Variants in ITIH5 observed in about 807,000 individuals in gnomAD.
ITIH5 encodes inter-alpha-trypsin inhibitor heavy chain H5.
In ITIH5, 65 loss-of-function variants were observed where a neutral mutation model predicts 77.5. The observed-to-expected ratio is 0.84, with a 90% CI of 0.69 to 1.03. ITIH5 has a LOEUF of 1.03. Among genes scored for constraint, ITIH5 ranks in the 50% least tolerant of loss-of-function variants. The probability of loss-of-function intolerance (pLI) is 0.00; values close to 1 mark genes in which losing one functional copy is unlikely to be tolerated. For synonymous variants in ITIH5, 525 were observed against 494.3 expected, an observed-to-expected ratio of 1.06 and a Z score of -0.82; for missense variants, 1,208 against 1,213.1, an observed-to-expected ratio of 1.00 and a Z score of 0.06.
At chr10:7,592,274 T>A (rs1186278743) in intron 7 of ITIH5, among the ~76,000 whole-genome samples, 1 of 152,170 alleles carries the variant, frequency 6.6e-6, no homozygotes, top group African/African-American at 2.4e-5. Context: ...AAGTGAGCAG[T>A]GAATAAATGA....
intron 2 of ITIH5, among the ~76,000 whole-genome samples, chr10:7,654,106 G>A (rs1834143566): frequency 6.6e-6 from 1 of 152,188 alleles, no homozygotes; most frequent in African/African-American, 2.4e-5. Context: ...GCAGTGAGCT[G>A]AGATCACGCC....
At chr10:7,654,471 T>A (rs962106516) in intron 2 of ITIH5, among the ~76,000 whole-genome samples, 6 of 152,196 alleles carry the variant, frequency 3.9e-5, no homozygotes, top group African/African-American at 1.2e-4. Flanking sequence ...AGAAGACAGT[T>A]TGGCTTAATG....
At position 7,637,220 on chromosome 10, in the gene ITIH5, G is replaced by A. The variant is rs1305070128; in HGVS notation, c.652+8C>T. ...CAGATCTGCACGAACCCAGCACGCA[G>A]GACTCACCTTCCCCGCGCCCACTGC... On this transcript the variant is annotated splice_region_variant and intron_variant, in intron 5 of 13. Transcript: ENST00000397146. The A allele has an allele frequency of 1.9e-6, 3 of 1,604,276 alleles. No individual in the cohort carries two copies. The highest frequency in any genetic ancestry group is 2.5e-6 in the Non-Finnish European group (3 of 1,179,328).
Position 7,561,178 on chromosome 10 carries a change from G to GAT in ITIH5, c.*1903_*1904dup, listed in dbSNP as rs1216228520. 1 of 152,194 alleles carries GAT rather than the reference G, an allele frequency of 6.6e-6. No individual in the cohort carries two copies. The highest frequency in any genetic ancestry group is 1.9e-4 in the East Asian group (1 of 5,202). The allele number at this position is 152,194 out of a possible 1,614,324, so 9.4% of individuals were successfully genotyped here. ...TTTCTGAGCAAGCAAGTTAGCTATG[G>GAT]ATAGCTCATTGGAATGTTTTTCTCA... On this transcript the variant is annotated 3_prime_UTR_variant, in exon 14 of 14. Transcript: ENST00000397146.
chr10:7,579,189 C>T (rs188272222), intron 9 of ITIH5, among the ~76,000 whole-genome samples: 1,535 of 152,312 alleles, frequency 0.01, 28 homozygotes, highest in African/African-American at 0.036. Context: ...CAACCATAAT[C>T]CTCATTTTAC....
chr10:7,599,278 C>T (rs1324646923), intron 7 of ITIH5, among the ~76,000 whole-genome samples: 1 of 152,202 alleles, frequency 6.6e-6, no homozygotes, highest in Non-Finnish European at 1.5e-5. Context: ...ATAGGCTTGA[C>T]AGCCTTAACA....
rs373089198 is a variant in ITIH5 at position 7,642,075 on chromosome 10, T to C, written c.151A>G (p.Met51Val). ...LLQRLKTKPL[M>V]TEFSVKSTII... ...GTAGACTTCACTGAGAATTCTGTCA[T>C]CAAAGGTTTGGTTTTCTGTAGGAAT... Residue 51 changes from methionine to valine, a missense_variant, in exon 3 of 14, where the codon ATG becomes GTG. Transcript: ENST00000397146. 2.5e-6 allele frequency: 4 copies of C among 1,613,622 alleles called. No homozygotes were observed. Among genetic ancestry groups the C allele is most frequent in the South Asian group, 1.1e-5 (1 of 90,996 alleles).
chr10:7,664,701 G>A (rs1834334440), intron 1 of ITIH5, among the ~76,000 whole-genome samples: 1 of 152,166 alleles, frequency 6.6e-6, no homozygotes, highest in Non-Finnish European at 1.5e-5. Context: ...ACAAATAACT[G>A]CAATGCAAGT....
chr10:7,664,387 G>A (rs1489095504), intron 1 of ITIH5, among the ~76,000 whole-genome samples: 5 of 142,718 alleles, frequency 3.5e-5, no homozygotes, highest in South Asian at 4.7e-4. Flanking sequence ...GCGACACAGC[G>A]AGATTCCGTC....
intron 5 of ITIH5, chr10:7,619,184 T>C (rs921363704): frequency 1.3e-5 from 2 of 152,256 alleles, no homozygotes; most frequent in African/African-American, 4.8e-5. Flanking sequence ...GAAAAGTCCT[T>C]GAAATTAAAG....
chr10:7,586,151 C>A (rs1025956492), intron 7 of ITIH5, 82 bp from the exon 8 acceptor site: 25 of 1,260,362 alleles, frequency 2.0e-5, no homozygotes, highest in Middle Eastern at 2.8e-4. Flanking sequence ...GCCCCCGCCC[C>A]CCAGGAAAAA....
intron 7 of ITIH5, 148 bp downstream of exon 7, chr10:7,615,834 C>T (rs1833352677): frequency 1.1e-5 from 7 of 630,590 alleles, no homozygotes; most frequent in Non-Finnish European, 2.0e-5. Flanking sequence ...AATGACTTAA[C>T]TGAATCCGCT....
At position 7,644,698 on chromosome 10, in the gene ITIH5, ATC is replaced by A. The variant is rs1311304582; in HGVS notation, c.136-2610_136-2609del. Among the ~76,000 whole-genome samples the A allele has an allele frequency of 1.1e-3, 138 of 126,186 alleles. 3 individuals carry two copies. The highest frequency in any genetic ancestry group is 4.9e-3 in the African/African-American group (131 of 26,728). 82.8% of individuals were successfully genotyped at this position (126,186 alleles called of 152,430 possible). A position where few individuals can be genotyped will look rare whatever the true frequency, so the allele number is the denominator to read the frequency against. On this transcript the variant is annotated intron_variant, in intron 2 of 13. Coordinates refer to ENST00000397146, the MANE Select transcript of ITIH5 (RefSeq NM_030569.7). ...CACATATATATCATATATATCACAT[ATC>A]TATATCACATATATATCATATATAT...
chr10:7,657,443 A>T (rs1834207006), intron 1 of ITIH5, among the ~76,000 whole-genome samples: 1 of 152,014 alleles, frequency 6.6e-6, no homozygotes, highest in Admixed American at 6.6e-5. Flanking sequence ...TATAAATTCT[A>T]CTTACAGAAA....
At position 7,644,818 on chromosome 10, in the gene ITIH5, T is replaced by TCACATATATCA. The variant is rs368635533; in HGVS notation, c.136-2729_136-2728insTGATATATGTG. On this transcript the variant is annotated intron_variant, in intron 2 of 13. Transcript: ENST00000397146. ...ATATATCATATATATCACATATATA[T>TCACATATATCA]CATATATATCACATATATATCACAT... is the stretch of plus-strand genomic sequence containing the variant. 3.8e-5 allele frequency among the ~76,000 whole-genome samples: 4 copies of TCACATATATCA among 106,266 alleles called. 1 individual carries two copies. The highest frequency in any genetic ancestry group is 6.1e-4 in the South Asian group (2 of 3,258). The allele number at this position is 106,266 out of a possible 152,430, so 69.7% of individuals were successfully genotyped here.
At chr10:7,582,083 G>A (rs573632468) in intron 8 of ITIH5, among the ~76,000 whole-genome samples, 11 of 151,312 alleles carry the variant, frequency 7.3e-5, no homozygotes, top group African/African-American at 1.9e-4. Context: ...CACCATGTTG[G>A]CCAGGCTGGT....
intron 2 of ITIH5, among the ~76,000 whole-genome samples, chr10:7,651,606 T>C (rs1193122068): frequency 6.7e-6 from 1 of 150,154 alleles, no homozygotes. Flanking sequence ...AGACTCTGTC[T>C]CAAAATAATA....
chr10:7,596,824 G>A (rs757949358), intron 7 of ITIH5, among the ~76,000 whole-genome samples: 4 of 151,900 alleles, frequency 2.6e-5, no homozygotes, highest in African/African-American at 7.3e-5. Context: ...GAGGAAGGAC[G>A]ATCACCTGAG....
At chr10:7,572,579 G>A (rs1832323063) in intron 11 of ITIH5, among the ~76,000 whole-genome samples, 1 of 152,020 alleles carries the variant, frequency 6.6e-6, no homozygotes, top group South Asian at 2.1e-4. Flanking sequence ...TCTATTGGGT[G>A]GTGCAATATA....
Sources: allele counts gnomAD v4.1 joint callset (sites outside exome capture counted in the v4.1 genomes callset), GRCh38; gene constraint gnomAD v4.1.1; transcripts MANE v1.5; gene names NCBI Gene and HGNC (gene_info 2026-07-23, HGNC 2026-07-21).